PYM1: variants seen among roughly 807,000 people sequenced by gnomAD.
PYM1 encodes PYM1 exon junction complex associated factor.
In PYM1, 7 loss-of-function variants were observed where a neutral mutation model predicts 20.7. The ratio of observed to expected loss-of-function variants is 0.34; its 90% CI spans 0.19 to 0.64. The LOEUF (loss-of-function observed/expected upper bound fraction) is 0.64. PYM1 is among the 30% of genes least tolerant of loss of function. The pLI, the probability that PYM1 is intolerant of heterozygous loss-of-function variation, is 0.74. For synonymous variants in PYM1, 100 were observed against 99.2 expected (o/e 1.01, Z -0.05); for missense variants, 194 against 250.0 (o/e 0.78, Z 1.51).
At chr12:55,914,255 C>T (rs1277277765) in intron 1 of PYM1, 2 of 701,464 alleles carry the variant, frequency 2.9e-6, no homozygotes, top group Non-Finnish European at 5.2e-6. Flanking sequence ...ATACAAATAG[C>T]CCATTATCAC....
In PYM1 at chr12:55,927,773, C is replaced by T. The variant is rs2136272325; in HGVS notation, c.-12G>A. 6.5e-7 allele frequency: 1 copy of T among 1,538,322 alleles called. No homozygotes were observed. Among genetic ancestry groups the T allele is most frequent in the South Asian group, 1.2e-5 (1 of 83,926 alleles). On this transcript the variant is annotated 5_prime_UTR_variant, in exon 1 of 3. Coordinates refer to ENST00000408946, the MANE Select transcript of PYM1 (RefSeq NM_032345.3). ...CCGGCAGCTTCCATGGCCGAAGAGG[C>T]AGCGGACCAGGTTGGGCGGGCGGCC... is the stretch of plus-strand genomic sequence containing the variant.
chr12:55,913,483 G>T (rs556925245), intron 1 of PYM1, among the ~76,000 whole-genome samples: 2 of 152,154 alleles, frequency 1.3e-5, no homozygotes, highest in African/African-American at 4.8e-5. Flanking sequence ...TTAAGCTGTA[G>T]AATACTGATG....
intron 1 of PYM1, among the ~76,000 whole-genome samples, chr12:55,908,194 G>A (rs190638945): frequency 2.6e-4 from 39 of 151,852 alleles, no homozygotes; most frequent in African/African-American, 8.7e-4. Context: ...AGTGAGCCAA[G>A]ATTGCACCGC....
intron 1 of PYM1, among the ~76,000 whole-genome samples, chr12:55,911,536 T>C (rs1037599238): frequency 6.6e-6 from 1 of 151,688 alleles, no homozygotes; most frequent in African/African-American, 2.4e-5. Context: ...TATGTCAGAG[T>C]CAAATTGAAA....
intron 1 of PYM1, chr12:55,914,370 G>A (rs1248377908): frequency 1.4e-5 from 10 of 702,150 alleles, no homozygotes; most frequent in Non-Finnish European, 2.3e-5. Flanking sequence ...CCCACCCCTA[G>A]AAATAAAAAC....
At chr12:55,921,766 A>C (rs1565718473) in intron 1 of PYM1, among the ~76,000 whole-genome samples, 1 of 152,206 alleles carries the variant, frequency 6.6e-6, no homozygotes, top group Non-Finnish European at 1.5e-5. Context: ...AAGCAAATAA[A>C]ATAGTATTGG....
chr12:55,907,028 G>A (rs960905090), intron 1 of PYM1, among the ~76,000 whole-genome samples: 1 of 151,376 alleles, frequency 6.6e-6, no homozygotes, highest in Non-Finnish European at 1.5e-5. Flanking sequence ...AAAAAGGTGT[G>A]CAAGGACACA....
At chr12:55,914,242 G>A (rs1298784680) in intron 1 of PYM1, 1 of 699,384 alleles carries the variant, frequency 1.4e-6, no homozygotes, top group Non-Finnish European at 2.6e-6. Context: ...GAAGCCCTCA[G>A]AGATACAAAT....
intron 1 of PYM1, chr12:55,914,178 G>A: frequency 1.5e-6 from 1 of 647,652 alleles, no homozygotes; most frequent in East Asian, 2.7e-5. Context: ...GAGGACTAAA[G>A]ATAGACTGTA....
chr12:55,927,405 C>T (rs746210988), intron 1 of PYM1: 2 of 713,212 alleles, frequency 2.8e-6, no homozygotes, highest in African/African-American at 3.5e-5. Context: ...CCAGGAACTC[C>T]TCGTACGTCC....
At position 55,907,301 on chromosome 12, in the gene PYM1, T is replaced by G. The variant is rs545681565; in HGVS notation, c.38-3821A>C. The stretch of plus-strand genomic sequence containing the variant: ...CAATATGGCAAAACCCTGCCTCTAC[T>G]AAAAATACAAAAATTGGCAAGGCAA... On this transcript the variant is annotated intron_variant, in intron 1 of 2. Transcript: ENST00000408946. 1.1e-4 allele frequency among the ~76,000 whole-genome samples: 17 copies of G among 150,506 alleles called. No individual in the cohort carries two copies. In the East Asian group the frequency reaches 3.0e-3, roughly 26 times the overall value.
intron 1 of PYM1, chr12:55,914,347 A>G: frequency 1.4e-6 from 1 of 702,322 alleles, no homozygotes; most frequent in Non-Finnish European, 2.6e-6. Flanking sequence ...AAGAAGGGAG[A>G]GGTTTGGCGG....
chr12:55,905,519 T>C (rs973530519), intron 1 of PYM1, among the ~76,000 whole-genome samples: 1 of 149,892 alleles, frequency 6.7e-6, no homozygotes, highest in Non-Finnish European at 1.5e-5. Flanking sequence ...CTGGCTAATA[T>C]GACAAAACCC....
At chr12:55,916,481 CAT>C (rs1426322285) in intron 1 of PYM1, among the ~76,000 whole-genome samples, 1 of 152,024 alleles carries the variant, frequency 6.6e-6, no homozygotes, top group Non-Finnish European at 1.5e-5. Context: ...TGGGCAAAAA[CAT>C]AGCATGTGAT....
chr12:55,910,289 AAT>A, intron 1 of PYM1, among the ~76,000 whole-genome samples: 1 of 144,040 alleles, frequency 6.9e-6, no homozygotes, highest in Non-Finnish European at 1.5e-5. Flanking sequence ...ATATATATAA[AAT>A]TTTTTTTGAG....
At chr12:55,919,892 C>CAA (rs34105681) in intron 1 of PYM1, among the ~76,000 whole-genome samples, 43 of 146,758 alleles carry the variant, frequency 2.9e-4, no homozygotes, top group South Asian at 8.7e-4. Context: ...GACTCCGTCT[C>CAA]AAAAAAAAAA....
At chr12:55,927,357 G>C (rs1258912243) in intron 1 of PYM1, 4 of 727,746 alleles carry the variant, frequency 5.5e-6, no homozygotes, top group Admixed American at 2.0e-5. Flanking sequence ...AGTCCTCAGG[G>C]AGCCAAGAGA....
At chr12:55,904,614 A>G (rs892766220) in intron 1 of PYM1, among the ~76,000 whole-genome samples, 20 of 150,588 alleles carry the variant, frequency 1.3e-4, no homozygotes, top group South Asian at 4.2e-4. Flanking sequence ...AAAAAAAAAA[A>G]AAAAAGAAAA....
At chr12:55,925,343 T>C (rs1883170610) in intron 1 of PYM1, among the ~76,000 whole-genome samples, 1 of 152,066 alleles carries the variant, frequency 6.6e-6, no homozygotes, top group African/African-American at 2.4e-5. Context: ...GATAGTGAAA[T>C]AGGTGACTGG....
Sources: allele counts gnomAD v4.1 joint callset (sites outside exome capture counted in the v4.1 genomes callset), GRCh38; gene constraint gnomAD v4.1.1; transcripts MANE v1.5; gene names NCBI Gene and HGNC (gene_info 2026-07-23, HGNC 2026-07-21).